ERBB4: variants seen among roughly 807,000 people sequenced by gnomAD.
ERBB4 encodes the protein erb-b2 receptor tyrosine kinase 4.
A neutral mutation model predicts 158.0 loss-of-function variants in ERBB4; 42 were observed. The ratio of observed to expected loss-of-function variants is 0.27; its 90% CI spans 0.21 to 0.34. The LOEUF (loss-of-function observed/expected upper bound fraction) is 0.34. ERBB4 is among the 10% of genes least tolerant of loss of function. The probability of loss-of-function intolerance (pLI) is 1.00; values close to 1 mark genes in which losing one functional copy is unlikely to be tolerated. For synonymous variants in ERBB4, 583 were observed against 558.7 expected (o/e 1.04, Z -0.61); for missense variants, 1,333 against 1,624.1 (o/e 0.82, Z 3.08).
intron 2 of ERBB4, among the ~76,000 whole-genome samples, chr2:212,074,071 C>T (rs1309344920): frequency 6.6e-6 from 1 of 152,028 alleles, no homozygotes; most frequent in African/African-American, 2.4e-5. Context: ...GGCCTATGTA[C>T]ATTCTACTGA....
intron 20 of ERBB4, among the ~76,000 whole-genome samples, chr2:211,505,634 A>T (rs62178821): frequency 0.15 from 23,569 of 152,082 alleles, 3,077 homozygotes; most frequent in African/African-American, 0.36. Context: ...ACATTAACAA[A>T]GAATGTAAAC....
At chr2:212,473,440 A>C (rs1168910097) in intron 1 of ERBB4, among the ~76,000 whole-genome samples, 4 of 152,104 alleles carry the variant, frequency 2.6e-5, no homozygotes, top group African/African-American at 4.8e-5. Context: ...TTACATCATA[A>C]GATCTGGGCA....
chr2:212,321,526 T>C (rs2087566905), intron 1 of ERBB4, among the ~76,000 whole-genome samples: 1 of 150,416 alleles, frequency 6.6e-6, no homozygotes, highest in South Asian at 2.1e-4. Context: ...TCATCTGTAT[T>C]AAAAATACAA....
chr2:212,186,276 C>T (rs573112784), intron 1 of ERBB4, among the ~76,000 whole-genome samples: 12 of 152,226 alleles, frequency 7.9e-5, no homozygotes, highest in African/African-American at 2.4e-4. Flanking sequence ...AAGCAATCTC[C>T]GTTCTTGGCT....
chr2:212,528,034 CAAGAT>C (rs1288641257), intron 1 of ERBB4, among the ~76,000 whole-genome samples: 1 of 151,846 alleles, frequency 6.6e-6, no homozygotes, highest in Non-Finnish European at 1.5e-5. Context: ...GAAGTTTTCT[CAAGAT>C]AAGGCTTAAA....
intron 15 of ERBB4, among the ~76,000 whole-genome samples, chr2:211,664,083 G>A (rs1371278695): frequency 2.0e-5 from 3 of 152,106 alleles, no homozygotes; most frequent in African/African-American, 7.2e-5. Context: ...AATTTGAATG[G>A]CAGAATATTA....
At position 211,442,733 on chromosome 2, in the gene ERBB4, G is replaced by GTATA. The variant is rs34704422; in HGVS notation, c.2488-11637_2488-11634dup. ...TATTGAGATTTATATATACATATGT[G>GTATA]TATATATATATGAATCTCAATAGAG... On this transcript the variant is annotated intron_variant, in intron 20 of 27. Coordinates refer to ENST00000342788, the MANE Select transcript of ERBB4 (RefSeq NM_005235.3). Among the ~76,000 whole-genome samples, 55 of 150,930 alleles carry GTATA rather than the reference G, an allele frequency of 3.6e-4. No homozygotes were observed. In the East Asian group the frequency reaches 4.3e-3, roughly 12 times the overall value.
At chr2:211,687,404 A>G (rs985208676) in intron 12 of ERBB4, among the ~76,000 whole-genome samples, 1 of 152,168 alleles carries the variant, frequency 6.6e-6, no homozygotes, top group East Asian at 1.9e-4. Context: ...TGAACTCCAT[A>G]CCCTGCCTTC....
intron 19 of ERBB4, among the ~76,000 whole-genome samples, chr2:211,576,743 A>G (rs1406660073): frequency 6.6e-6 from 1 of 152,118 alleles, no homozygotes; most frequent in Non-Finnish European, 1.5e-5. Context: ...AGTAATTATA[A>G]TTATAAATGT....
intron 4 of ERBB4, among the ~76,000 whole-genome samples, chr2:211,754,139 C>T (rs976203287): frequency 5.9e-5 from 9 of 152,154 alleles, no homozygotes; most frequent in African/African-American, 2.2e-4. Flanking sequence ...GGATTACAGG[C>T]GTAAGCCACC....
intron 4 of ERBB4, among the ~76,000 whole-genome samples, chr2:211,782,672 T>A (rs2076064716): frequency 6.6e-6 from 1 of 152,112 alleles, no homozygotes; most frequent in Non-Finnish European, 1.5e-5. Context: ...AGAGAATGGA[T>A]TCGGGAGCCA....
chr2:212,392,675 A>G (rs2090912484), intron 1 of ERBB4, among the ~76,000 whole-genome samples: 1 of 152,138 alleles, frequency 6.6e-6, no homozygotes, highest in Non-Finnish European at 1.5e-5. Flanking sequence ...ATCATCCTTT[A>G]AGACCCAGCT....
intron 13 of ERBB4, among the ~76,000 whole-genome samples, chr2:211,674,926 C>G (rs934121395): frequency 2.6e-5 from 4 of 152,116 alleles, no homozygotes; most frequent in Non-Finnish European, 4.4e-5. Flanking sequence ...CTTCCCCACA[C>G]GCAGAGTTGA....
At chr2:212,501,534 C>T (rs923734902) in intron 1 of ERBB4, among the ~76,000 whole-genome samples, 11 of 152,106 alleles carry the variant, frequency 7.2e-5, no homozygotes, top group African/African-American at 2.4e-4. Context: ...CCACAGACTT[C>T]GTTGACCAGC....
rs141847790 is a variant in ERBB4 at position 211,647,577 on chromosome 2, GA to G, written c.1946+10176del. 3.3e-3 allele frequency among the ~76,000 whole-genome samples: 507 copies of G among 151,552 alleles called. 3 individuals are homozygous for G. The highest frequency in any genetic ancestry group is 0.012 in the African/African-American group (492 of 41,458). Reference sequence around the variant, plus strand: ...TCCAACTTTGCAAGCCAGAAGCCTAGAAAAAAATGATTAACAGTTTCTTATC... The same window carrying G: ...TCCAACTTTGCAAGCCAGAAGCCTAGAAAAAATGATTAACAGTTTCTTATC... On this transcript the variant is annotated intron_variant, in intron 16 of 27. Coordinates refer to ENST00000342788, the MANE Select transcript of ERBB4 (RefSeq NM_005235.3).
intron 19 of ERBB4, among the ~76,000 whole-genome samples, chr2:211,581,418 A>G (rs1047534271): frequency 1.1e-4 from 16 of 152,202 alleles, no homozygotes; most frequent in Non-Finnish European, 2.2e-4. Context: ...ACAGAAAGAT[A>G]ATTATCACAA....
At chr2:211,609,815 T>C (rs2069124567) in intron 19 of ERBB4, among the ~76,000 whole-genome samples, 1 of 152,196 alleles carries the variant, frequency 6.6e-6, no homozygotes. Context: ...ACTGACAAAG[T>C]TCCTGTCCAT....
At chr2:212,112,715 G>A (rs2079450112) in intron 2 of ERBB4, among the ~76,000 whole-genome samples, 2 of 152,122 alleles carry the variant, frequency 1.3e-5, no homozygotes, top group African/African-American at 4.8e-5. Flanking sequence ...AATAAGGAGT[G>A]GGAGATGGTG....
intron 3 of ERBB4, among the ~76,000 whole-genome samples, chr2:211,859,084 C>A (rs2106064398): frequency 6.6e-6 from 1 of 152,228 alleles, no homozygotes; most frequent in South Asian, 2.1e-4. Context: ...GCTTGGCCGG[C>A]AATGTATCTT....
Sources: allele counts gnomAD v4.1 joint callset (sites outside exome capture counted in the v4.1 genomes callset), GRCh38; gene constraint gnomAD v4.1.1; transcripts MANE v1.5; gene names NCBI Gene and HGNC (gene_info 2026-07-23, HGNC 2026-07-21).